The following AGFG1 variants were observed in gnomAD, a reference collection of about 807,000 sequenced individuals.
AGFG1 encodes ArfGAP with FG repeats 1.
Under a neutral mutation model 60.6 loss-of-function variants are expected in AGFG1, and 10 were observed. The ratio of observed to expected loss-of-function variants is 0.16; its 90% confidence interval spans 0.10 to 0.28. The LOEUF (loss-of-function observed/expected upper bound fraction) is 0.28, where lower values mean the gene tolerates loss of function less well. Among genes scored for constraint, AGFG1 ranks in the 10% least tolerant of loss-of-function variants. AGFG1 has a pLI of 1.00. For missense variants in AGFG1, 537 were observed against 676.5 expected, an observed-to-expected ratio of 0.79 and a Z score of 2.29; for synonymous variants, 247 against 242.9, an observed-to-expected ratio of 1.02 and a Z score of -0.16.
intron 2 of AGFG1, chr2:227,508,270 T>C (rs1307571959): frequency 5.9e-6 from 1 of 170,660 alleles, no homozygotes; most frequent in African/African-American, 2.4e-5. Flanking sequence ...ATCACTATGA[T>C]TGAGTCCTAG....
At position 227,531,650 on chromosome 2, in the gene AGFG1, C is replaced by G. The variant is rs960479718; in HGVS notation, c.814+440C>G. 2.1e-5 allele frequency among the ~76,000 whole-genome samples: 3 copies of G among 144,484 alleles called. No homozygotes were observed. In the East Asian group the frequency reaches 6.2e-4, roughly 30 times the overall value. The allele number at this position is 144,484 out of a possible 152,430, so 94.8% of individuals were successfully genotyped here. ...GTCTCACTATGTTGCCCAGGCTGGT[C>G]TTGAACTCCTGGCCTCAAGTTATCC... is the stretch of plus-strand genomic sequence containing the variant. On this transcript the variant is annotated intron_variant, in intron 6 of 12. Coordinates refer to ENST00000310078, the MANE Select transcript of AGFG1 (RefSeq NM_004504.5).
Position 227,531,077 on chromosome 2 carries a change from C to G in AGFG1, c.695-14C>G. The G allele has an allele frequency of 1.2e-6, 2 of 1,603,536 alleles. No homozygotes were observed. Among genetic ancestry groups the G allele is most frequent in the Non-Finnish European group, 1.7e-6 (2 of 1,174,150 alleles). ...TCATATTCATTAACATATGTTGTTCCTTACCATTTACAGCTCAGAATTCTG... is the reference window on the plus strand; with the variant it reads ...TCATATTCATTAACATATGTTGTTCGTTACCATTTACAGCTCAGAATTCTG... On this transcript the variant is annotated splice_polypyrimidine_tract_variant and intron_variant, in intron 5 of 12. Coordinates refer to ENST00000310078, the MANE Select transcript of AGFG1 (RefSeq NM_004504.5).
At chr2:227,484,109 A>G (rs1248466672) in intron 1 of AGFG1, among the ~76,000 whole-genome samples, 2 of 151,892 alleles carry the variant, frequency 1.3e-5, no homozygotes, top group Non-Finnish European at 2.9e-5. Flanking sequence ...TACTATTGAT[A>G]TTAACATTCC....
At chr2:227,524,224 G>A (rs1255152244) in intron 4 of AGFG1, among the ~76,000 whole-genome samples, 1 of 151,966 alleles carries the variant, frequency 6.6e-6, no homozygotes, top group Non-Finnish European at 1.5e-5. Context: ...TATATCATGT[G>A]TTATACAATT....
intron 6 of AGFG1, chr2:227,532,151 T>C (rs1274032350): frequency 1.9e-6 from 3 of 1,547,518 alleles, no homozygotes; most frequent in African/African-American, 2.7e-5. Context: ...TTAGAATGCT[T>C]TCATCTAGCT....
intron 3 of AGFG1, 39 bp from the exon 4 acceptor site, chr2:227,523,724 T>A: frequency 6.3e-7 from 1 of 1,580,796 alleles, no homozygotes; most frequent in Non-Finnish European, 8.6e-7. Flanking sequence ...TAGAATTACC[T>A]ACATTTTTTT....
intron 2 of AGFG1, chr2:227,508,434 A>G (rs553221974): frequency 7.0e-6 from 2 of 286,766 alleles, no homozygotes; most frequent in Admixed American, 8.5e-5. Context: ...TGACCAAACA[A>G]GCTAGCCCTC....
rs564051716 is a variant in AGFG1, at chr2:227,507,842, T to A, written c.262-12106T>A. ...CAACAGCAAGCAATTAGGTTTTTTT[T>A]AAATTACTATGAATTTATTTATTTG... On this transcript the variant is annotated intron_variant, in intron 2 of 12. Transcript: ENST00000310078. 1.5e-3 allele frequency among the ~76,000 whole-genome samples: 234 copies of A among 152,260 alleles called. 1 individual carries two copies. Among genetic ancestry groups the A allele is most frequent in the African/African-American group, 4.9e-3 (204 of 41,558 alleles).
intron 2 of AGFG1, among the ~76,000 whole-genome samples, chr2:227,502,868 A>ATG (rs1323647308): frequency 3.3e-5 from 5 of 152,168 alleles, no homozygotes; most frequent in African/African-American, 1.2e-4. Flanking sequence ...TTACATGAAT[A>ATG]TATACACTTC....
chr2:227,508,241 A>G (rs1171871779), intron 2 of AGFG1: 1 of 156,284 alleles, frequency 6.4e-6, no homozygotes, highest in Non-Finnish European at 1.4e-5. Context: ...ACAAGACAAT[A>G]GAGTATCAGT....
Position 227,533,774 on chromosome 2 carries a change from CA to C in AGFG1, c.1024+20del, listed in dbSNP as rs1559192229. ...GCCGGGCAAGGTATCAAGCTTTAAGCAAAACAAATACAAATTTGTGTTAAAC... is the reference window on the plus strand; with the variant it reads ...GCCGGGCAAGGTATCAAGCTTTAAGCAAACAAATACAAATTTGTGTTAAAC... On this transcript the variant is annotated intron_variant, in intron 7 of 12. Coordinates refer to ENST00000310078, the MANE Select transcript of AGFG1 (RefSeq NM_004504.5). 1 of 1,603,614 alleles carries C rather than the reference CA, an allele frequency of 6.2e-7. No homozygotes were observed. The highest frequency in any genetic ancestry group is 1.3e-5 in the African/African-American group (1 of 74,772).
chr2:227,525,300 A>C (rs1207868440), intron 5 of AGFG1, among the ~76,000 whole-genome samples: 1 of 152,218 alleles, frequency 6.6e-6, no homozygotes, highest in Non-Finnish European at 1.5e-5. Flanking sequence ...TTTTAGACAT[A>C]GTATTAGTTT....
chr2:227,531,848 C>T (rs1349159988), intron 6 of AGFG1, among the ~76,000 whole-genome samples: 1 of 152,028 alleles, frequency 6.6e-6, no homozygotes, highest in Non-Finnish European at 1.5e-5. Context: ...ATTTTCGGGG[C>T]AACAAGCCTG....
At chr2:227,500,833 C>T (rs1269437779) in intron 2 of AGFG1, among the ~76,000 whole-genome samples, 6 of 151,904 alleles carry the variant, frequency 3.9e-5, no homozygotes, top group African/African-American at 1.5e-4. Flanking sequence ...GCTCTTGTTG[C>T]CCAGGCTGGA....
intron 2 of AGFG1, among the ~76,000 whole-genome samples, chr2:227,506,551 T>C (rs972899095): frequency 2.7e-4 from 34 of 126,030 alleles, no homozygotes; most frequent in Non-Finnish European, 4.6e-4. Context: ...TTTCAAGTGA[T>C]GTTCCTTAAA....
chr2:227,520,810 T>G lies in AGFG1; in HGVS notation c.377+747T>G, dbSNP rs78002016. ...TAATAGTATTGCATAGTGGATACTT[T>G]CATCTTGGGAGGTTAACAAGATGGG... On this transcript the variant is annotated intron_variant, in intron 3 of 12. Transcript: ENST00000310078. Among the ~76,000 whole-genome samples the G allele has an allele frequency of 3.9e-5, 6 of 152,328 alleles. No individual in the cohort carries two copies. In the East Asian group the frequency reaches 1.2e-3, roughly 29 times the overall value.
At chr2:227,472,634 TG>T in intron 1 of AGFG1, 46 bp downstream of exon 1, 1 of 1,357,498 alleles carries the variant, frequency 7.4e-7, no homozygotes, top group Non-Finnish European at 9.8e-7. Context: ...TCCCGGGAGG[TG>T]GGGGAGCGGG....
intron 1 of AGFG1, among the ~76,000 whole-genome samples, chr2:227,482,623 T>C (rs945209364): frequency 2.0e-5 from 3 of 152,332 alleles, no homozygotes; most frequent in African/African-American, 7.2e-5. Flanking sequence ...ATTAAAAATA[T>C]TTTTACCAGC....
In AGFG1 at chr2:227,560,588, A is replaced by C. The variant is rs1459295959; in HGVS notation, c.*6093A>C. The C allele has an allele frequency of 6.6e-6, 1 of 152,130 alleles. No individual in the cohort carries two copies. The highest frequency in any genetic ancestry group is 1.5e-5 in the Non-Finnish European group (1 of 67,986). The allele number at this position is 152,130 out of a possible 1,614,324, so 9.4% of individuals were successfully genotyped here. The stretch of plus-strand genomic sequence containing the variant: ...TCTAAAAAGTGCATGGCTTGGGGCT[A>C]TACTTTGTTTTGCAGTTTGTTGGTA... On this transcript the variant is annotated 3_prime_UTR_variant, in exon 13 of 13. Transcript: ENST00000310078.
Sources: allele counts gnomAD v4.1 joint callset (sites outside exome capture counted in the v4.1 genomes callset), GRCh38; gene constraint gnomAD v4.1.1; transcripts MANE v1.5; gene names NCBI Gene and HGNC (gene_info 2026-07-23, HGNC 2026-07-21).